Variants in HS3ST4 observed in about 807,000 individuals in gnomAD.
The protein encoded by HS3ST4 is heparan sulfate glucosamine 3-O-sulfotransferase 4.
HS3ST4 carries 17 observed loss-of-function variants against 29.2 expected under a neutral mutation model. That is an observed-to-expected ratio of 0.58 (90% CI 0.40 to 0.87). HS3ST4 has a LOEUF of 0.87. Ranked by LOEUF, HS3ST4 falls within the 40% of genes least tolerant of loss-of-function variation. HS3ST4 has a pLI of 0.00. For synonymous variants in HS3ST4, 314 were observed against 285.7 expected, an observed-to-expected ratio of 1.10 and a Z score of -1.00; for missense variants, 627 against 634.5, an observed-to-expected ratio of 0.99 and a Z score of 0.13.
At chr16:25,725,814 GTAT>G (rs1966531338) in intron 1 of HS3ST4, among the ~76,000 whole-genome samples, 1 of 150,948 alleles carries the variant, frequency 6.6e-6, no homozygotes, top group African/African-American at 2.4e-5. Context: ...TTAATTATTG[GTAT>G]TATCTCAAAT....
intron 1 of HS3ST4, among the ~76,000 whole-genome samples, chr16:26,049,218 A>G (rs1898306023): frequency 6.6e-6 from 1 of 152,086 alleles, no homozygotes; most frequent in Admixed American, 6.6e-5. Context: ...TAAGTCCTGT[A>G]AGTAATGACA....
intron 1 of HS3ST4, among the ~76,000 whole-genome samples, chr16:25,946,965 TG>T (rs1968632613): frequency 6.6e-6 from 1 of 152,144 alleles, no homozygotes; most frequent in Non-Finnish European, 1.5e-5. Flanking sequence ...CCAATGTGGT[TG>T]GGGAGCTGAG....
chr16:25,848,690 C>A (rs1967489798), intron 1 of HS3ST4, among the ~76,000 whole-genome samples: 1 of 151,936 alleles, frequency 6.6e-6, no homozygotes, highest in Non-Finnish European at 1.5e-5. Flanking sequence ...TTTTATTGCT[C>A]TTTTTACAGA....
At chr16:26,086,090 C>G (rs1898783689) in intron 1 of HS3ST4, among the ~76,000 whole-genome samples, 1 of 151,858 alleles carries the variant, frequency 6.6e-6, no homozygotes, top group Non-Finnish European at 1.5e-5. Flanking sequence ...TAGGGCAGTC[C>G]TGGAATGCCA....
intron 1 of HS3ST4, among the ~76,000 whole-genome samples, chr16:25,716,392 T>C (rs1966454619): frequency 6.6e-6 from 1 of 152,210 alleles, no homozygotes; most frequent in Non-Finnish European, 1.5e-5. Flanking sequence ...TGAGAGTAGC[T>C]GCTGTGGCAA....
chr16:25,855,208 A>G (rs907553069), intron 1 of HS3ST4, among the ~76,000 whole-genome samples: 1 of 152,198 alleles, frequency 6.6e-6, no homozygotes, highest in Non-Finnish European at 1.5e-5. Context: ...GATGGTAGAA[A>G]AAAATTCTTG....
chr16:26,044,849 T>C lies in HS3ST4; in HGVS notation c.735-90763T>C, dbSNP rs1288697093. 2.6e-5 allele frequency among the ~76,000 whole-genome samples: 4 copies of C among 152,116 alleles called. No homozygotes were observed. The South Asian group carries it at 6.2e-4, about 24-fold the overall frequency. On this transcript the variant is annotated intron_variant, in intron 1 of 1. Coordinates refer to ENST00000331351, the MANE Select transcript of HS3ST4 (RefSeq NM_006040.3). ...TGTCCCATTGAAGGATACAACCTGA[T>C]GGAAGCTGGGACCGAGAGCTTTATT...
In HS3ST4 at chr16:25,804,096, CT is replaced by C. The variant is rs1268270267; in HGVS notation, c.734+110948del. Among the ~76,000 whole-genome samples the C allele has an allele frequency of 2.6e-5, 4 of 152,136 alleles. No homozygotes were observed. In the East Asian group the frequency reaches 7.7e-4, roughly 29 times the overall value. ...CTTTTCTAGCCCTCAGTTTCATCAT[CT>C]TTAGAATTAGTATAAAATGATATCT... On this transcript the variant is annotated intron_variant, in intron 1 of 1. Coordinates refer to ENST00000331351, the MANE Select transcript of HS3ST4 (RefSeq NM_006040.3).
chr16:26,075,943 G>A (rs1898657702), intron 1 of HS3ST4, among the ~76,000 whole-genome samples: 1 of 152,136 alleles, frequency 6.6e-6, no homozygotes, highest in Non-Finnish European at 1.5e-5. Context: ...AAATTTAATA[G>A]TTTGTCCCTA....
chr16:26,127,314 G>C (rs1335624329), intron 1 of HS3ST4, among the ~76,000 whole-genome samples: 2 of 152,142 alleles, frequency 1.3e-5, no homozygotes, highest in Non-Finnish European at 2.9e-5. Flanking sequence ...TTAAGACCTG[G>C]TGAACTTTCC....
intron 1 of HS3ST4, among the ~76,000 whole-genome samples, chr16:25,729,655 TGG>T (rs956550190): frequency 2.0e-5 from 3 of 152,242 alleles, no homozygotes; most frequent in Non-Finnish European, 2.9e-5. Context: ...CTTGTTGTCA[TGG>T]GGACTTCTTT....
chr16:26,032,915 G>C, intron 1 of HS3ST4: 1 of 866,816 alleles, frequency 1.2e-6, no homozygotes, highest in Non-Finnish European at 1.9e-6. Flanking sequence ...TCTTCACACT[G>C]CTCCGGAGGC....
At chr16:25,834,575 A>G (rs1031562811) in intron 1 of HS3ST4, among the ~76,000 whole-genome samples, 4 of 152,248 alleles carry the variant, frequency 2.6e-5, no homozygotes, top group Non-Finnish European at 5.9e-5. Context: ...CATTTATAGT[A>G]TAATTTAAAA....
At chr16:25,893,580 C>T (rs1200529024) in intron 1 of HS3ST4, among the ~76,000 whole-genome samples, 1 of 152,124 alleles carries the variant, frequency 6.6e-6, no homozygotes, top group East Asian at 1.9e-4. Context: ...TCCCATTGGC[C>T]AGCTTTGAGC....
chr16:26,042,617 A>G (rs930725049), intron 1 of HS3ST4, among the ~76,000 whole-genome samples: 1 of 152,202 alleles, frequency 6.6e-6, no homozygotes, highest in Non-Finnish European at 1.5e-5. Context: ...TTTTCCTCCT[A>G]AAAGCTTTTT....
intron 1 of HS3ST4, among the ~76,000 whole-genome samples, chr16:25,794,582 G>A (rs1288206881): frequency 6.6e-6 from 1 of 151,328 alleles, no homozygotes; most frequent in African/African-American, 2.4e-5. Flanking sequence ...ATGTTTTCTT[G>A]AAAAATCACT....
At chr16:25,887,960 T>C (rs1250579933) in intron 1 of HS3ST4, among the ~76,000 whole-genome samples, 1 of 152,006 alleles carries the variant, frequency 6.6e-6, no homozygotes, top group African/African-American at 2.4e-5. Flanking sequence ...GCCTCCCAAA[T>C]TGTTGGGATT....
At chr16:25,733,542 C>A (rs2141594634) in intron 1 of HS3ST4, among the ~76,000 whole-genome samples, 1 of 152,272 alleles carries the variant, frequency 6.6e-6, no homozygotes, top group South Asian at 2.1e-4. Context: ...AGTTTAAACC[C>A]AGTACAGGTT....
In HS3ST4 at chr16:25,692,955, A is replaced by C. The variant is rs1296725426; in HGVS notation, c.538A>C (p.Ser180Arg). ...DLAGRRAANG[S>R]SERGGAVSTP... ...CGCAGGCCGGAGAGCGGCCAACGGGAGCAGCGAGAGGGGCGGCGCCGTCAG... is the reference window on the plus strand; with the variant it reads ...CGCAGGCCGGAGAGCGGCCAACGGGCGCAGCGAGAGGGGCGGCGCCGTCAG... The change falls in exon 1 of 2, where the codon AGC (serine) becomes CGC (arginine). Residue 180 changes from serine to arginine, a missense_variant. Transcript: ENST00000331351. The C allele has an allele frequency of 1.9e-6, 3 of 1,610,160 alleles. No homozygotes were observed. In the African/African-American group the frequency reaches 4.0e-5, roughly 22 times the overall value.
Sources: gnomAD v4.1 joint callset for allele counts (sites outside exome capture counted in the v4.1 genomes callset) on GRCh38, gnomAD v4.1.1 for gene constraint, MANE v1.5 for transcripts, NCBI Gene and HGNC (gene_info 2026-07-23, HGNC 2026-07-21) for gene names.